The following LRP1B variants were observed in gnomAD, a reference collection of about 807,000 sequenced individuals.
The protein encoded by LRP1B is low-density lipoprotein receptor-related protein 1B.
LRP1B carries 217 observed loss-of-function variants against 556.6 expected under a neutral mutation model. The observed-to-expected ratio is 0.39, with a 90% CI of 0.35 to 0.44. LRP1B has a LOEUF of 0.44. Ranked by LOEUF, LRP1B falls within the 20% of genes least tolerant of loss-of-function variation. The pLI is 1.00. For missense variants in LRP1B, 5,053 were observed against 5,620.8 expected (o/e 0.90, Z 3.23); for synonymous variants, 2,047 against 1,865.8 (o/e 1.10, Z -2.50).
intron 41 of LRP1B, among the ~76,000 whole-genome samples, chr2:140,641,869 C>T (rs1443162051): frequency 3.3e-5 from 5 of 152,040 alleles, no homozygotes; most frequent in Non-Finnish European, 7.4e-5. Context: ...TTTCTAAAGG[C>T]CAAACCTAAG....
chr2:141,357,672 T>A (rs1363240089), intron 3 of LRP1B, among the ~76,000 whole-genome samples: 2 of 152,132 alleles, frequency 1.3e-5, no homozygotes, highest in African/African-American at 4.8e-5. Context: ...CTGAAAACAA[T>A]GTTAAATGAT....
At chr2:140,369,025 T>C (rs1249414850) in intron 71 of LRP1B, among the ~76,000 whole-genome samples, 1 of 151,860 alleles carries the variant, frequency 6.6e-6, no homozygotes, top group African/African-American at 2.4e-5. Flanking sequence ...TCTCAACTCT[T>C]TTTCAGTCAT....
intron 3 of LRP1B, among the ~76,000 whole-genome samples, chr2:141,275,434 T>G (rs1190126390): frequency 6.6e-6 from 1 of 152,042 alleles, no homozygotes; most frequent in Non-Finnish European, 1.5e-5. Context: ...AATGGTCGGG[T>G]GTGGTGGCTC....
At chr2:140,743,765 C>G (rs1231715840) in intron 35 of LRP1B, among the ~76,000 whole-genome samples, 1 of 151,646 alleles carries the variant, frequency 6.6e-6, no homozygotes, top group African/African-American at 2.4e-5. Flanking sequence ...CGAGACCATC[C>G]TGGCCAACAT....
At chr2:140,728,788 T>C (rs1001950111) in intron 35 of LRP1B, among the ~76,000 whole-genome samples, 1 of 152,110 alleles carries the variant, frequency 6.6e-6, no homozygotes, top group Admixed American at 6.6e-5. Flanking sequence ...TTCTGGTATC[T>C]TGAGTTAAAA....
At chr2:141,027,836 C>A (rs1191394035) in intron 11 of LRP1B, among the ~76,000 whole-genome samples, 1 of 152,098 alleles carries the variant, frequency 6.6e-6, no homozygotes, top group Non-Finnish European at 1.5e-5. Flanking sequence ...GACCAGAGAG[C>A]TCTCTAATCC....
chr2:140,396,017 C>T (rs1573887720), intron 66 of LRP1B, among the ~76,000 whole-genome samples: 1 of 152,160 alleles, frequency 6.6e-6, no homozygotes, highest in Admixed American at 6.6e-5. Flanking sequence ...CTATTCCATT[C>T]ATCGTTCTCT....
At chr2:142,001,731 G>A (rs545048591) in intron 1 of LRP1B, among the ~76,000 whole-genome samples, 46 of 152,248 alleles carry the variant, frequency 3.0e-4, no homozygotes, top group African/African-American at 8.4e-4. Flanking sequence ...TACTGCAGGC[G>A]TGTCCATAAT....
chr2:141,509,647 G>C (rs537254797), intron 2 of LRP1B, among the ~76,000 whole-genome samples: 1 of 152,220 alleles, frequency 6.6e-6, no homozygotes, highest in East Asian at 1.9e-4. Context: ...CCATCAAAAT[G>C]TTGAAACAAC....
chr2:140,633,891 T>C (rs1314939663), intron 41 of LRP1B, among the ~76,000 whole-genome samples: 1 of 152,140 alleles, frequency 6.6e-6, no homozygotes, highest in Non-Finnish European at 1.5e-5. Context: ...ATGATACCAA[T>C]TTTATACAAC....
intron 6 of LRP1B, among the ~76,000 whole-genome samples, chr2:141,223,689 A>G (rs1683131765): frequency 6.6e-6 from 1 of 152,200 alleles, no homozygotes; most frequent in Non-Finnish European, 1.5e-5. Flanking sequence ...AAACAGACAC[A>G]GACCAGTGGA....
chr2:140,665,388 T>C (rs779664457), intron 41 of LRP1B, among the ~76,000 whole-genome samples: 152 of 152,180 alleles, frequency 1.0e-3, no homozygotes, highest in Non-Finnish European at 1.7e-3. Flanking sequence ...TTATACCTGG[T>C]CCAGTATTTT....
At chr2:141,605,778 C>T (rs559647639) in intron 2 of LRP1B, among the ~76,000 whole-genome samples, 28 of 152,178 alleles carry the variant, frequency 1.8e-4, no homozygotes, top group Non-Finnish European at 2.8e-4. Context: ...ATTTTGTTTT[C>T]CTTGAGTATC....
In LRP1B at chr2:141,160,867, A is replaced by G. The variant is rs190936093; in HGVS notation, c.1013+27554T>C. On this transcript the variant is annotated intron_variant, in intron 7 of 90. Coordinates refer to ENST00000389484, the MANE Select transcript of LRP1B (RefSeq NM_018557.3). Reference sequence around the variant, plus strand: ...TAATCTATATATATATATATAAAATAAGGTTCCAAAGGGCTATATACCAAA... The same window carrying G: ...TAATCTATATATATATATATAAAATGAGGTTCCAAAGGGCTATATACCAAA... Among the ~76,000 whole-genome samples the G allele has an allele frequency of 3.3e-3, 499 of 151,524 alleles. 7 individuals are homozygous for G. The highest frequency in any genetic ancestry group is 0.011 in the African/African-American group (473 of 41,356).
chr2:141,940,094 G>A (rs1312759272), intron 1 of LRP1B, among the ~76,000 whole-genome samples: 1 of 152,084 alleles, frequency 6.6e-6, no homozygotes, highest in East Asian at 1.9e-4. Context: ...CAATTGCAGT[G>A]CAGTTAAAAC....
intron 37 of LRP1B, among the ~76,000 whole-genome samples, chr2:140,715,428 C>T (rs1392917304): frequency 2.6e-5 from 4 of 151,762 alleles, no homozygotes; most frequent in East Asian, 3.9e-4. Flanking sequence ...AGATTAAATT[C>T]GTTTCAGTTT....
chr2:140,320,583 G>A (rs1024310142), intron 82 of LRP1B, among the ~76,000 whole-genome samples: 18 of 150,166 alleles, frequency 1.2e-4, no homozygotes, highest in African/African-American at 3.2e-4. Context: ...ATTTTGGAGC[G>A]CTACATTTTT....
At chr2:140,610,839 G>A (rs1448759646) in intron 41 of LRP1B, among the ~76,000 whole-genome samples, 1 of 152,216 alleles carries the variant, frequency 6.6e-6, no homozygotes, top group African/African-American at 2.4e-5. Flanking sequence ...CCAATGTGCC[G>A]GGATTACAGG....
chr2:140,546,246 T>A (rs1397303039), intron 43 of LRP1B, among the ~76,000 whole-genome samples: 2 of 152,082 alleles, frequency 1.3e-5, no homozygotes. Flanking sequence ...TATTTTGATT[T>A]CCTCTTTCAC....
Sources: allele counts gnomAD v4.1 joint callset (sites outside exome capture counted in the v4.1 genomes callset), GRCh38; gene constraint gnomAD v4.1.1; transcripts MANE v1.5; gene names NCBI Gene and HGNC (gene_info 2026-07-23, HGNC 2026-07-21).